The following DCUN1D4 variants were observed in gnomAD, a reference collection of about 807,000 sequenced individuals.
DCUN1D4 encodes defective in cullin neddylation 1 domain containing 4.
In DCUN1D4, 22 loss-of-function variants were observed where a neutral mutation model predicts 47.9. The observed-to-expected ratio is 0.46, with a 90% CI of 0.33 to 0.66. The LOEUF (loss-of-function observed/expected upper bound fraction) is 0.66. DCUN1D4 is among the 30% of genes least tolerant of loss of function. The pLI, the probability that DCUN1D4 is intolerant of heterozygous loss-of-function variation, is 0.02. For missense variants in DCUN1D4, 301 were observed against 340.8 expected (o/e 0.88, Z 0.92); for synonymous variants, 121 against 112.2 (o/e 1.08, Z -0.50).
chr4:51,886,434 C>A, intron 5 of DCUN1D4, 134 bp from the exon 6 acceptor site: 1 of 650,808 alleles, frequency 1.5e-6, no homozygotes, highest in Non-Finnish European at 2.5e-6. Context: ...TACTTTTCAA[C>A]TTAGACTTGA....
chr4:51,915,667 T>C lies in DCUN1D4; in HGVS notation c.*2083T>C, dbSNP rs1165520445. On this transcript the variant is annotated 3_prime_UTR_variant, in exon 11 of 11. Coordinates refer to ENST00000334635, the MANE Select transcript of DCUN1D4 (RefSeq NM_001040402.3). ...ATTTAAAGCAAATATAAATCATAGA[T>C]GAAGTTATTTTAAACACTATGTTAG... is the stretch of plus-strand genomic sequence containing the variant. 5 of 152,596 alleles carry C rather than the reference T, an allele frequency of 3.3e-5. No homozygotes were observed. The highest frequency in any genetic ancestry group is 7.3e-5 in the Non-Finnish European group (5 of 68,028). The allele number at this position is 152,596 out of a possible 1,614,324, so 9.5% of individuals were successfully genotyped here.
chr4:51,841,637 T>G (rs1721658427), upstream of DCUN1D4, among the ~76,000 whole-genome samples: 1 of 152,248 alleles, frequency 6.6e-6, no homozygotes, highest in East Asian at 1.9e-4. Context: ...ATAAATAGTA[T>G]TATAAGGATG....
intron 5 of DCUN1D4, among the ~76,000 whole-genome samples, chr4:51,883,337 C>CT (rs1056695464): frequency 3.1e-4 from 47 of 151,336 alleles, no homozygotes; most frequent in African/African-American, 9.7e-4. Flanking sequence ...AGGCAAGTTT[C>CT]TTTTTTTTTA....
intron 3 of DCUN1D4, among the ~76,000 whole-genome samples, chr4:51,870,817 A>C (rs565401375): frequency 6.6e-6 from 1 of 152,254 alleles, no homozygotes; most frequent in African/African-American, 2.4e-5. Context: ...TTGTTTATTT[A>C]GTTCATGTTG....
At chr4:51,901,486 C>T (rs1387353579) in intron 8 of DCUN1D4, among the ~76,000 whole-genome samples, 1 of 152,238 alleles carries the variant, frequency 6.6e-6, no homozygotes, top group Non-Finnish European at 1.5e-5. Context: ...AACGGTTGCT[C>T]ACTGGCCCTG....
rs1560532061 is a variant in DCUN1D4, at chr4:51,916,008, CAG to C, written c.*2427_*2428del. On this transcript the variant is annotated 3_prime_UTR_variant, in exon 11 of 11. Coordinates refer to ENST00000334635, the MANE Select transcript of DCUN1D4 (RefSeq NM_001040402.3). ...TCTAAGGGGAGAAAAAGGGGTCAGA[CAG>C]AGTAATATGATACATTTTCTTAAAA... The C allele has an allele frequency of 6.6e-6, 1 of 151,326 alleles. No homozygotes were observed. The highest frequency in any genetic ancestry group is 1.5e-5 in the Non-Finnish European group (1 of 67,602). The allele number at this position is 151,326 out of a possible 1,614,324, so 9.4% of individuals were successfully genotyped here.
At chr4:51,907,125 A>G (rs1198667979) in intron 8 of DCUN1D4, among the ~76,000 whole-genome samples, 1 of 152,242 alleles carries the variant, frequency 6.6e-6, no homozygotes, top group African/African-American at 2.4e-5. Context: ...GTCATTTCAA[A>G]TAATGACATT....
chr4:51,833,963 G>A, the DCUN1D4 span, among the ~76,000 whole-genome samples: 3 of 151,544 alleles, frequency 2.0e-5, no homozygotes, highest in Admixed American at 2.0e-4. Flanking sequence ...GTAGAAGGGG[G>A]GAGATTTTGC....
At chr4:51,888,724 CAAAA>C (rs71193044) in intron 6 of DCUN1D4, among the ~76,000 whole-genome samples, 4 of 81,276 alleles carry the variant, frequency 4.9e-5, no homozygotes, top group Admixed American at 1.5e-4. Context: ...ACTCCATCTC[CAAAA>C]AAAAAAAAAA....
At chr4:51,848,202 C>T (rs965924146) in intron 1 of DCUN1D4, 46 of 1,288,152 alleles carry the variant, frequency 3.6e-5, no homozygotes, top group Non-Finnish European at 4.7e-5. Flanking sequence ...TTCAAACATG[C>T]AGATATCAGT....
chr4:51,842,550 T>C (rs868188074), upstream of DCUN1D4, among the ~76,000 whole-genome samples: 3 of 152,158 alleles, frequency 2.0e-5, no homozygotes, highest in Non-Finnish European at 4.4e-5. Context: ...ACGCGGCAAT[T>C]CTTAATCCAG....
chr4:51,850,779 G>A (rs116126756), intron 1 of DCUN1D4, among the ~76,000 whole-genome samples: 17 of 152,196 alleles, frequency 1.1e-4, no homozygotes, highest in African/African-American at 3.9e-4. Context: ...GGTGGAGGGT[G>A]TTGTAATTTT....
chr4:51,850,389 G>A (rs1723192295), intron 1 of DCUN1D4, among the ~76,000 whole-genome samples: 1 of 152,104 alleles, frequency 6.6e-6, no homozygotes, highest in Non-Finnish European at 1.5e-5. Flanking sequence ...TTTTCTCCCT[G>A]GATGTGATGA....
intron 5 of DCUN1D4, among the ~76,000 whole-genome samples, chr4:51,880,014 A>G (rs1640954658): frequency 6.6e-6 from 1 of 152,222 alleles, no homozygotes; most frequent in Non-Finnish European, 1.5e-5. Context: ...GAACCCTTCA[A>G]GAAATTTGTG....
chr4:51,911,210 T>G (rs1733670645), intron 9 of DCUN1D4, 36 bp downstream of exon 9: 1 of 1,566,826 alleles, frequency 6.4e-7, no homozygotes, highest in Non-Finnish European at 8.7e-7. Flanking sequence ...GTATGTTTGC[T>G]TGCTTGGAAC....
chr4:51,868,300 G>C (rs1467798141), intron 3 of DCUN1D4, among the ~76,000 whole-genome samples: 1 of 152,214 alleles, frequency 6.6e-6, no homozygotes, highest in Non-Finnish European at 1.5e-5. Context: ...GCTCCTGCCT[G>C]TTCCAAGCTC....
At chr4:51,870,130 A>T (rs1726650522) in intron 3 of DCUN1D4, among the ~76,000 whole-genome samples, 1 of 152,314 alleles carries the variant, frequency 6.6e-6, no homozygotes, top group African/African-American at 2.4e-5. Context: ...TAAAATGGTT[A>T]AAATAGCTCA....
intron 8 of DCUN1D4, among the ~76,000 whole-genome samples, chr4:51,906,286 C>T (rs953438301): frequency 5.3e-5 from 8 of 152,164 alleles, no homozygotes; most frequent in Non-Finnish European, 1.2e-4. Flanking sequence ...CAGGTTCAAG[C>T]TGGTACACTG....
At chr4:51,856,900 C>G (rs959158172) in intron 1 of DCUN1D4, among the ~76,000 whole-genome samples, 1 of 152,184 alleles carries the variant, frequency 6.6e-6, no homozygotes, top group Middle Eastern at 3.2e-3. Context: ...CAGAAGAATC[C>G]AGCACAGCCT....
Sources: allele counts gnomAD v4.1 joint callset (sites outside exome capture counted in the v4.1 genomes callset), GRCh38; gene constraint gnomAD v4.1.1; transcripts MANE v1.5; gene names NCBI Gene and HGNC (gene_info 2026-07-23, HGNC 2026-07-21).